The following FOXR1 variants were observed in gnomAD, a reference collection of about 807,000 sequenced individuals.
The protein encoded by FOXR1 is forkhead box protein R1.
A neutral mutation model predicts 34.5 loss-of-function variants in FOXR1; 25 were observed. The observed-to-expected ratio is 0.72, with a 90% CI of 0.53 to 1.01. FOXR1 has a LOEUF of 1.01. Ranked by LOEUF, FOXR1 falls within the 50% of genes least tolerant of loss-of-function variation. FOXR1 has a pLI of 0.00. For synonymous variants in FOXR1, 153 were observed against 141.6 expected (o/e 1.08, Z -0.57); for missense variants, 373 against 376.2 (o/e 0.99, Z 0.07).
chr11:118,972,613 CT>C (rs796683351), intron 1 of FOXR1, among the ~76,000 whole-genome samples: 33 of 76,842 alleles, frequency 4.3e-4, no homozygotes, highest in East Asian at 1.0e-3. Flanking sequence ...TGGATTAACT[CT>C]TTTTTTTTTT....
chr11:118,980,997 G>A (rs1227093885), intron 5 of FOXR1, among the ~76,000 whole-genome samples: 2 of 152,204 alleles, frequency 1.3e-5, no homozygotes, highest in African/African-American at 4.8e-5. Flanking sequence ...CTAGGCAATA[G>A]TGAGCACACA....
chr11:118,974,547 T>G (rs1393673830), intron 1 of FOXR1, among the ~76,000 whole-genome samples: 1 of 152,206 alleles, frequency 6.6e-6, no homozygotes, highest in African/African-American at 2.4e-5. Context: ...TTTGGTTTAA[T>G]ACACTGCTGT....
At chr11:118,980,129 G>A in intron 4 of FOXR1, 1 of 506,288 alleles carries the variant, frequency 2.0e-6, no homozygotes. Context: ...GTGAGGAAGG[G>A]AGTTTCTTGG....
At chr11:118,979,308 G>C (rs923001114) in intron 3 of FOXR1, 104 bp downstream of exon 3, 2 of 1,494,332 alleles carry the variant, frequency 1.3e-6, no homozygotes, top group Non-Finnish European at 8.9e-7. Context: ...AGGTGAATGG[G>C]TTCAGAAATT....
At position 118,972,137 on chromosome 11, in the gene FOXR1, C is replaced by A. The variant is rs1471542440; in HGVS notation, c.61+145C>A. On this transcript the variant is annotated intron_variant, in intron 1 of 5. Coordinates refer to ENST00000317011, the MANE Select transcript of FOXR1 (RefSeq NM_181721.3). ...GGGGCCGAGCGCCCCGCGCCCCCCC[C>A]CCCCGACGGCTTAGCTCCGCCGCCC... The A allele has an allele frequency of 1.6e-4, 86 of 533,256 alleles. No individual in the cohort carries two copies. The African/African-American group carries it at 2.3e-3, about 14-fold the overall frequency. 33.0% of individuals were successfully genotyped at this position (533,256 alleles called of 1,614,324 possible). A position where few individuals can be genotyped will look rare whatever the true frequency, so the allele number is the denominator to read the frequency against.
intron 1 of FOXR1, among the ~76,000 whole-genome samples, chr11:118,972,196 A>G (rs1466669859): frequency 2.9e-5 from 3 of 102,882 alleles, no homozygotes; most frequent in African/African-American, 3.7e-5. Flanking sequence ...TCTACTCGGG[A>G]GTGGTTTGGG....
At chr11:118,972,962 C>G (rs1258562106) in intron 1 of FOXR1, among the ~76,000 whole-genome samples, 1 of 152,150 alleles carries the variant, frequency 6.6e-6, no homozygotes, top group African/African-American at 2.4e-5. Flanking sequence ...CAACCCTAAT[C>G]CATTTAACGT....
chr11:118,977,207 C>G (rs576042220), intron 1 of FOXR1, among the ~76,000 whole-genome samples: 1 of 151,822 alleles, frequency 6.6e-6, no homozygotes, highest in African/African-American at 2.4e-5. Context: ...ATTTTTTGTA[C>G]TTTTAGTAGA....
At chr11:118,974,548 A>G (rs1308456355) in intron 1 of FOXR1, among the ~76,000 whole-genome samples, 1 of 152,180 alleles carries the variant, frequency 6.6e-6, no homozygotes, top group African/African-American at 2.4e-5. Flanking sequence ...TTGGTTTAAT[A>G]CACTGCTGTC....
In FOXR1 at chr11:118,971,830, G is replaced by A. The variant is rs1941706073; in HGVS notation, c.-102G>A. The A allele has an allele frequency of 7.5e-6, 10 of 1,324,584 alleles. No homozygotes were observed. Among genetic ancestry groups the A allele is most frequent in the African/African-American group, 1.5e-5 (1 of 68,652 alleles). The allele number at this position is 1,324,584 out of a possible 1,614,324, so 82.1% of individuals were successfully genotyped here. ...CTCCCACTCCGCGTCCCCACTCCGC[G>A]CCGCCGCGCCTCTGCCAGCCCCGAA... On this transcript the variant is annotated 5_prime_UTR_variant, in exon 1 of 6. Coordinates refer to ENST00000317011, the MANE Select transcript of FOXR1 (RefSeq NM_181721.3).
rs201645538 is a variant in FOXR1 at position 118,980,611 on chromosome 11, C to G, written c.733C>G (p.Arg245Gly). 3.1e-6 allele frequency: 5 copies of G among 1,614,240 alleles called. No individual in the cohort carries two copies. Among genetic ancestry groups the G allele is most frequent in the Non-Finnish European group, 4.2e-6 (5 of 1,180,056 alleles). ...CAGCATGCAGGGCGGGGCCAGCACA[C>G]GGCCTCGATCTTGCCTCTGGAAGTT... is the stretch of plus-strand genomic sequence containing the variant. Reference protein sequence around the residue: ...PVSMQGGASTRPRSCLWKLTE... With the variant: ...PVSMQGGASTGPRSCLWKLTE... The change falls in exon 5 of 6, where the codon CGG becomes GGG. Residue 245 changes from arginine (R) to glycine (G), a missense_variant. By Grantham distance (125) the Arg-to-Gly change is moderately radical. Coordinates refer to ENST00000317011, the MANE Select transcript of FOXR1 (RefSeq NM_181721.3).
intron 1 of FOXR1, 131 bp downstream of exon 1, chr11:118,972,123 C>A: frequency 2.0e-6 from 1 of 488,182 alleles, no homozygotes; most frequent in South Asian, 2.1e-5. Context: ...GGGCCGAGCG[C>A]CCCGCGCCCC....
chr11:118,980,128 G>A (rs1055801791), intron 4 of FOXR1: 41 of 505,080 alleles, frequency 8.1e-5, no homozygotes, highest in African/African-American at 7.1e-4. Flanking sequence ...GGTGAGGAAG[G>A]GAGTTTCTTG....
chr11:118,978,994 T>G lies in FOXR1; in HGVS notation c.174T>G (p.Asn58Lys). 1.2e-6 allele frequency: 2 copies of G among 1,603,080 alleles called. No individual in the cohort carries two copies. The highest frequency in any genetic ancestry group is 1.7e-6 in the Non-Finnish European group (2 of 1,173,790). The change falls in exon 3 of 6, where the codon AAT (asparagine) becomes AAG (lysine). Residue 58 changes from asparagine (N) to lysine (K), a missense_variant. By Grantham distance (94) the Asn-to-Lys change is moderately conservative. Transcript: ENST00000317011. ...DYEPNLWMWV[N>K]PNIVYPPGKL... ...AGCCCAACCTCTGGATGTGGGTAAA[T>G]CCCAACATTGTGTATCCCCCTGGAA...
Position 118,979,463 on chromosome 11 carries a change from G to C in FOXR1, c.406G>C (p.Glu136Gln), listed in dbSNP as rs1239200249. Residue 136 changes from glutamate (E) to glutamine (Q), a missense_variant, in exon 4 of 6, where the codon GAG becomes CAG. Physicochemically the swap from Glu to Gln is conservative, Grantham distance 29. Transcript: ENST00000317011. Reference sequence around the variant, plus strand: ...CTAGCTCACAGAAGAGGAGGAGGCTGAGGACCAGGAAGACAGCTCCTCTAT... The same window carrying C: ...CTAGCTCACAGAAGAGGAGGAGGCTCAGGACCAGGAAGACAGCTCCTCTAT... ...TWELTEEEEA[E>Q]DQEDSSSMAL... The C allele has an allele frequency of 6.2e-7, 1 of 1,610,192 alleles. No homozygotes were observed. Among genetic ancestry groups the C allele is most frequent in the Admixed American group, 1.7e-5 (1 of 59,420 alleles).
chr11:118,972,882 C>T (rs980210519), intron 1 of FOXR1, among the ~76,000 whole-genome samples: 1 of 151,474 alleles, frequency 6.6e-6, no homozygotes, highest in Non-Finnish European at 1.5e-5. Flanking sequence ...CCACCGCCCC[C>T]GGCCTTAACT....
At position 118,978,871 on chromosome 11, in the gene FOXR1, C is replaced by T; in HGVS notation, c.136+15C>T. On this transcript the variant is annotated intron_variant, in intron 2 of 5. Coordinates refer to ENST00000317011, the MANE Select transcript of FOXR1 (RefSeq NM_181721.3). ...TGATAAGGATGGTACGTATTGAGTT[C>T]TCTGACCTGTTTCTGTGGCCTGGGC... The T allele has an allele frequency of 6.2e-7, 1 of 1,614,192 alleles. No homozygotes were observed. Among genetic ancestry groups the T allele is most frequent in the Non-Finnish European group, 8.5e-7 (1 of 1,180,020 alleles).
intron 1 of FOXR1, among the ~76,000 whole-genome samples, chr11:118,973,352 G>T (rs2134478925): frequency 1.3e-5 from 2 of 152,228 alleles, no homozygotes; most frequent in Non-Finnish European, 2.9e-5. Flanking sequence ...CTGCAATGGG[G>T]AAAGAACAGG....
At chr11:118,977,040 C>A (rs887095575) in intron 1 of FOXR1, among the ~76,000 whole-genome samples, 1 of 151,734 alleles carries the variant, frequency 6.6e-6, no homozygotes, top group East Asian at 1.9e-4. Flanking sequence ...TATGTTAGAA[C>A]TTTTTTTTGA....
Sources: allele counts gnomAD v4.1 joint callset (sites outside exome capture counted in the v4.1 genomes callset), GRCh38; gene constraint gnomAD v4.1.1; transcripts MANE v1.5; gene names NCBI Gene and HGNC (gene_info 2026-07-23, HGNC 2026-07-21).